Variants in MAN1C1 observed in about 807,000 individuals in gnomAD.
The protein encoded by MAN1C1 is mannosidase alpha class 1C member 1.
MAN1C1 carries 49 observed loss-of-function variants against 71.5 expected under a neutral mutation model. The observed-to-expected ratio is 0.69, with a 90% confidence interval of 0.54 to 0.87. The LOEUF (loss-of-function observed/expected upper bound fraction) is 0.87. MAN1C1 is among the 40% of genes least tolerant of loss of function. The pLI is 0.00. For synonymous variants in MAN1C1, 352 were observed against 343.7 expected, an observed-to-expected ratio of 1.02 and a Z score of -0.27; for missense variants, 743 against 835.0, an observed-to-expected ratio of 0.89 and a Z score of 1.36.
rs1278820128 is a variant in MAN1C1 at position 25,776,790 on chromosome 1, G to A, written c.1258-1315G>A. Among the ~76,000 whole-genome samples the A allele has an allele frequency of 6.6e-6, 1 of 152,042 alleles. No individual in the cohort carries two copies. The highest frequency in any genetic ancestry group is 1.9e-4 in the East Asian group (1 of 5,188). ...TGAGGTAGGGTGTGAGGAGGGAGGG[G>A]CAGGAGACAGACTAGAGTGGAATCA... On this transcript the variant is annotated intron_variant, in intron 8 of 11. Transcript: ENST00000374332. The surrounding 1 kb of genome is among the most constrained non-coding windows in gnomAD (Gnocchi z 4.3).
rs1352812579 is a variant in MAN1C1, at chr1:25,743,713, GA to G, written c.638-2954del. Among the ~76,000 whole-genome samples, 4 of 152,344 alleles carry G rather than the reference GA, an allele frequency of 2.6e-5. No homozygotes were observed. The East Asian group carries it at 7.7e-4, about 29-fold the overall frequency. On this transcript the variant is annotated intron_variant, in intron 2 of 11. Transcript: ENST00000374332. ...GTCACGGGGCAGAGCTGGTCACGAG[GA>G]GTCCTGGCTGCCCTCCCAGCCTGAT...
intron 2 of MAN1C1, among the ~76,000 whole-genome samples, chr1:25,702,787 C>T (rs1254796757): frequency 6.6e-6 from 1 of 152,232 alleles, no homozygotes; most frequent in African/African-American, 2.4e-5. Context: ...TGGCTGTCAT[C>T]ATGATTACCA....
At chr1:25,783,605 T>C in intron 11 of MAN1C1, 58 bp from the exon 12 acceptor site, 1 of 1,589,148 alleles carries the variant, frequency 6.3e-7, no homozygotes, top group Non-Finnish European at 8.6e-7. Flanking sequence ...AGGCCCACCC[T>C]TCTTCCCCAG....
At chr1:25,744,500 T>C (rs1464653069) in intron 2 of MAN1C1, among the ~76,000 whole-genome samples, 1 of 151,696 alleles carries the variant, frequency 6.6e-6, no homozygotes, top group East Asian at 1.9e-4. Context: ...GGTAATAGAT[T>C]CTCCGACCTC....
Position 25,769,456 on chromosome 1 carries a change from G to A in MAN1C1, c.1142-2201G>A. Among the ~76,000 whole-genome samples, 1 of 152,040 alleles carries A rather than the reference G, an allele frequency of 6.6e-6. No individual in the cohort carries two copies. The highest frequency in any genetic ancestry group is 2.1e-4 in the South Asian group (1 of 4,830). On this transcript the variant is annotated intron_variant, in intron 7 of 11. Transcript: ENST00000374332. This position sits in a 1 kb window ranked among gnomAD's most constrained non-coding sequence, Gnocchi z 4.8. The stretch of plus-strand genomic sequence containing the variant: ...TCACATGTGAGATGCCCACATAAGT[G>A]CCCCTGAGAGGCAGCTGCATCTCAA...
chr1:25,676,200 C>T (rs998431504), intron 1 of MAN1C1, among the ~76,000 whole-genome samples: 1 of 152,184 alleles, frequency 6.6e-6, no homozygotes, highest in Non-Finnish European at 1.5e-5. Flanking sequence ...ACCCCATGGG[C>T]AGGATGTGGG....
At position 25,717,635 on chromosome 1, in the gene MAN1C1, GC is replaced by G. The variant is rs1465695785; in HGVS notation, c.638-29032del. 6.6e-4 allele frequency among the ~76,000 whole-genome samples: 100 copies of G among 151,376 alleles called. 1 individual carries two copies. Among genetic ancestry groups the G allele is most frequent in the African/African-American group, 1.9e-3 (78 of 41,136 alleles). On this transcript the variant is annotated intron_variant, in intron 2 of 11. Coordinates refer to ENST00000374332, the MANE Select transcript of MAN1C1 (RefSeq NM_020379.4). ...TTGTTGCCCAGGCTGGAGTGCAGTGGCGCAATCTCGGCTCACTGCAGCCTCC... is the reference window on the plus strand; with the variant it reads ...TTGTTGCCCAGGCTGGAGTGCAGTGGGCAATCTCGGCTCACTGCAGCCTCC...
chr1:25,692,329 C>T (rs1436831955), intron 2 of MAN1C1, among the ~76,000 whole-genome samples: 1 of 152,140 alleles, frequency 6.6e-6, no homozygotes, highest in East Asian at 1.9e-4. Flanking sequence ...GGCCCAAGAA[C>T]CCATTCCTTG....
At chr1:25,745,335 CTTT>C (rs10555591) in intron 2 of MAN1C1, among the ~76,000 whole-genome samples, 75 of 149,266 alleles carry the variant, frequency 5.0e-4, no homozygotes, top group African/African-American at 1.5e-3. Flanking sequence ...ATTTTCTTTC[CTTT>C]TTTTTTTTTA....
At chr1:25,765,712 A>C (rs1415584611) in intron 7 of MAN1C1, among the ~76,000 whole-genome samples, 6 of 152,212 alleles carry the variant, frequency 3.9e-5, no homozygotes, top group Non-Finnish European at 7.4e-5. Context: ...AAAAGGGAAC[A>C]ATGCAAGTGG....
intron 4 of MAN1C1, among the ~76,000 whole-genome samples, chr1:25,752,809 C>G (rs1254792544): frequency 2.6e-5 from 4 of 152,234 alleles, no homozygotes; most frequent in Non-Finnish European, 5.9e-5. Flanking sequence ...CTCACCCTCT[C>G]CCTTCATTCC....
intron 2 of MAN1C1, chr1:25,710,129 C>T (rs1323127500): frequency 6.6e-6 from 1 of 152,214 alleles, no homozygotes; most frequent in African/African-American, 2.4e-5. Context: ...CTCTGCTAAG[C>T]ACTGGAGAAA....
chr1:25,768,624 TCA>T (rs1169712473), intron 7 of MAN1C1, among the ~76,000 whole-genome samples: 1 of 69,194 alleles, frequency 1.4e-5, no homozygotes. Flanking sequence ...CACACTCCCC[TCA>T]CACACACAAT....
At chr1:25,712,218 G>T (rs776764595) in intron 2 of MAN1C1, among the ~76,000 whole-genome samples, 11 of 152,230 alleles carry the variant, frequency 7.2e-5, no homozygotes, top group Non-Finnish European at 1.3e-4. Context: ...CGGCGTCTTG[G>T]CAGGGGAGCT....
At chr1:25,695,124 A>G (rs1239235979) in intron 2 of MAN1C1, among the ~76,000 whole-genome samples, 3 of 151,966 alleles carry the variant, frequency 2.0e-5, no homozygotes, top group Non-Finnish European at 2.9e-5. Flanking sequence ...GCTCCTGGAA[A>G]CTCAGTGTTG....
chr1:25,716,610 C>A (rs562904003), intron 2 of MAN1C1, among the ~76,000 whole-genome samples: 1 of 152,172 alleles, frequency 6.6e-6, no homozygotes, highest in Admixed American at 6.5e-5. Context: ...CCACTGTGCC[C>A]GGCCCTCAAA....
At chr1:25,630,954 T>A (rs2045369943) in intron 1 of MAN1C1, among the ~76,000 whole-genome samples, 1 of 151,706 alleles carries the variant, frequency 6.6e-6, no homozygotes, top group East Asian at 1.9e-4. Context: ...TGTTTTTGTT[T>A]GTTTGTTTGT....
intron 1 of MAN1C1, among the ~76,000 whole-genome samples, chr1:25,621,302 C>G (rs1335227795): frequency 6.6e-6 from 1 of 152,160 alleles, no homozygotes; most frequent in Non-Finnish European, 1.5e-5. Context: ...TAGCACCTAT[C>G]CAAGAATAGA....
chr1:25,743,454 G>A (rs1452048199), intron 2 of MAN1C1, among the ~76,000 whole-genome samples: 4 of 152,198 alleles, frequency 2.6e-5, no homozygotes, highest in African/African-American at 7.2e-5. Context: ...TTGAATTCAG[G>A]ATAGGGCCTT....
Sources: gnomAD v4.1 joint callset for allele counts (sites outside exome capture counted in the v4.1 genomes callset) on GRCh38, gnomAD v4.1.1 for gene constraint, Gnocchi (gnomAD v3.1) non-coding constraint, MANE v1.5 for transcripts, NCBI Gene and HGNC (gene_info 2026-07-23, HGNC 2026-07-21) for gene names.